Variants in DHDDS observed in about 807,000 individuals in gnomAD.
The protein encoded by DHDDS is dehydrodolichyl diphosphate synthase complex subunit DHDDS.
DHDDS carries 16 observed loss-of-function variants against 46.2 expected under a neutral mutation model. That is an observed-to-expected ratio of 0.35 (90% CI 0.23 to 0.53). The LOEUF (loss-of-function observed/expected upper bound fraction) is 0.53, where lower values mean the gene tolerates loss of function less well. Among genes scored for constraint, DHDDS ranks in the 20% least tolerant of loss-of-function variants. The probability of loss-of-function intolerance (pLI) is 0.94; values close to 1 mark genes in which losing one functional copy is unlikely to be tolerated. For synonymous variants in DHDDS, 151 were observed against 163.1 expected (o/e 0.93, Z 0.56); for missense variants, 340 against 423.7 (o/e 0.80, Z 1.73).
intron 8 of DHDDS, chr1:26,467,104 G>T (rs549554025): frequency 4.8e-4 from 132 of 274,276 alleles, no homozygotes; most frequent in African/African-American, 2.8e-3. Context: ...GTCTGTCCAT[G>T]AAGGTCACTG....
chr1:26,450,089 G>A (rs2075305407), intron 6 of DHDDS, among the ~76,000 whole-genome samples: 1 of 152,186 alleles, frequency 6.6e-6, no homozygotes, highest in Admixed American at 6.5e-5. Flanking sequence ...CAGTATGGAA[G>A]CCATCTGTGT....
At chr1:26,433,477 C>T (rs1455198035) in intron 2 of DHDDS, among the ~76,000 whole-genome samples, 1 of 151,702 alleles carries the variant, frequency 6.6e-6, no homozygotes, top group Non-Finnish European at 1.5e-5. Flanking sequence ...GGCAAAACCC[C>T]GATTCTCCAA....
At chr1:26,468,828 CTCCAT>C in intron 8 of DHDDS, 62 bp from the exon 9 acceptor site, 1 of 1,592,456 alleles carries the variant, frequency 6.3e-7, no homozygotes, top group East Asian at 2.3e-5. Flanking sequence ...CCCCTACCTC[CTCCAT>C]CCCAGTTTCA....
At chr1:26,462,479 C>A (rs985250605) in intron 8 of DHDDS, among the ~76,000 whole-genome samples, 2 of 152,182 alleles carry the variant, frequency 1.3e-5, no homozygotes, top group East Asian at 3.8e-4. Context: ...CTCCCTCTTT[C>A]ATTTCCTACT....
chr1:26,442,925 T>C (rs2075233165), intron 4 of DHDDS, 52 bp downstream of exon 4: 2 of 1,612,692 alleles, frequency 1.2e-6, no homozygotes, highest in African/African-American at 1.3e-5. Flanking sequence ...CCCAGCCTTA[T>C]CCTAACCCTT....
rs553585181 is a variant in DHDDS, at chr1:26,453,991, T to C, written c.543-3800T>C. 2.3e-3 allele frequency among the ~76,000 whole-genome samples: 352 copies of C among 152,170 alleles called. 1 individual carries two copies. The highest frequency in any genetic ancestry group is 3.5e-3 in the Non-Finnish European group (240 of 67,998). ...GTTTTTGAGATGGAGTCTTGCTCTG[T>C]CACCCAGGCTGGAGTGCAGTGGTGC... On this transcript the variant is annotated intron_variant, in intron 6 of 8. Transcript: ENST00000236342.
chr1:26,457,397 G>C (rs1380077045), intron 6 of DHDDS, among the ~76,000 whole-genome samples: 1 of 151,798 alleles, frequency 6.6e-6, no homozygotes, highest in Non-Finnish European at 1.5e-5. Flanking sequence ...ATGAACCTGG[G>C]AGGCAGAGTT....
intron 4 of DHDDS, 104 bp downstream of exon 4, chr1:26,442,977 C>A: frequency 6.4e-7 from 1 of 1,573,922 alleles, no homozygotes; most frequent in East Asian, 2.3e-5. Context: ...ACTTGCAACT[C>A]TTTTTAATGT....
In DHDDS at chr1:26,457,852, A is replaced by C; in HGVS notation, c.604A>C (p.Ile202Leu). The C allele has an allele frequency of 6.2e-7, 1 of 1,614,028 alleles. No homozygotes were observed. The highest frequency in any genetic ancestry group is 8.5e-7 in the Non-Finnish European group (1 of 1,180,004). The change falls in exon 7 of 9, where the codon ATC becomes CTC. Residue 202 changes from isoleucine to leucine, a missense_variant. Physicochemically the swap from Ile to Leu is conservative, Grantham distance 5. This residue lies in a region of DHDDS where 268 missense variants were observed against 300.3 expected (regional missense o/e 0.89). Coordinates refer to ENST00000236342, the MANE Select transcript of DHDDS (RefSeq NM_205861.3). ...LYTNRSPHPDILIRTSGEVRL... is the reference protein window; with the variant it reads ...LYTNRSPHPDLLIRTSGEVRL... ...TACCAACCGCTCTCCTCATCCTGACATCTTGATACGGACTTCTGGAGAAGT... is the reference window on the plus strand; with the variant it reads ...TACCAACCGCTCTCCTCATCCTGACCTCTTGATACGGACTTCTGGAGAAGT...
rs2124403465 is a variant in DHDDS at position 26,442,736 on chromosome 1, G to T, written c.186G>T (p.Leu62=). The T allele has an allele frequency of 1.9e-6, 3 of 1,614,014 alleles. No individual in the cohort carries two copies. Among genetic ancestry groups the T allele is most frequent in the Non-Finnish European group, 1.7e-6 (2 of 1,179,992 alleles). ...SQGFNKLAET[L]RWCLNLGILE... ...CTTGCCTTCTCCCCTCTCAGACTCT[G>T]CGGTGGTGTTTGAACCTGGGCATCC... Residue 62 remains leucine (L), a synonymous_variant, in exon 4 of 9, where the codon CTG becomes CTT. Transcript: ENST00000236342.
intron 3 of DHDDS, among the ~76,000 whole-genome samples, chr1:26,440,588 A>T (rs2075208538): frequency 6.6e-6 from 1 of 152,252 alleles, no homozygotes; most frequent in Non-Finnish European, 1.5e-5. Context: ...GAAACTTGTT[A>T]TTAGCAACTG....
At chr1:26,464,051 G>A (rs1040600263) in intron 8 of DHDDS, among the ~76,000 whole-genome samples, 13 of 139,668 alleles carry the variant, frequency 9.3e-5, no homozygotes, top group African/African-American at 3.0e-4. Context: ...GGAGAACAGT[G>A]GCATGATCTC....
intron 6 of DHDDS, chr1:26,455,165 G>T: frequency 1.3e-6 from 1 of 767,176 alleles, no homozygotes; most frequent in Non-Finnish European, 2.4e-6. Flanking sequence ...GAGGTTCTCC[G>T]GGTTAAGTGA....
Position 26,460,985 on chromosome 1 carries a change from TG to T in DHDDS, c.765+842del, listed in dbSNP as rs2075416885. ...CCCTCCTGGGTTTGAACGATTCTCC[TG>T]TCTCAGCCTCCCAACTAGCTGGGAT... On this transcript the variant is annotated intron_variant, in intron 8 of 8. Coordinates refer to ENST00000236342, the MANE Select transcript of DHDDS (RefSeq NM_205861.3). Among the ~76,000 whole-genome samples, 3 of 152,320 alleles carry T rather than the reference TG, an allele frequency of 2.0e-5. No homozygotes were observed. In the South Asian group the frequency reaches 6.2e-4, roughly 32 times the overall value.
intron 1 of DHDDS, 96 bp from the exon 2 acceptor site, chr1:26,432,795 C>T: frequency 1.3e-6 from 1 of 745,136 alleles, no homozygotes; most frequent in South Asian, 1.5e-5. Context: ...GATTCTAATG[C>T]TGGCTGCTCT....
rs549706665 is a variant in DHDDS at position 26,436,290 on chromosome 1, T to G, written c.64-1878T>G. 2.6e-5 allele frequency among the ~76,000 whole-genome samples: 4 copies of G among 152,226 alleles called. No homozygotes were observed. In the South Asian group the frequency reaches 8.3e-4, roughly 32 times the overall value. On this transcript the variant is annotated intron_variant, in intron 2 of 8. Transcript: ENST00000236342. The stretch of plus-strand genomic sequence containing the variant: ...GGTGTATTCCTGTAGTCCCAGCTAC[T>G]TGGGGAATTGAAGTGGGAGGACCTT...
chr1:26,471,038 G>C lies in DHDDS; in HGVS notation c.*1907G>C, dbSNP rs892363439. On this transcript the variant is annotated 3_prime_UTR_variant, in exon 9 of 9. Transcript: ENST00000236342. Reference sequence around the variant, plus strand: ...GGTACACAGGGTGGAGTAGGGAGAAGCTGCCCCAGGAGGCGATGTAGTGGT... The same window carrying C: ...GGTACACAGGGTGGAGTAGGGAGAACCTGCCCCAGGAGGCGATGTAGTGGT... 1 of 152,364 alleles carries C rather than the reference G, an allele frequency of 6.6e-6. No homozygotes were observed. Among genetic ancestry groups the C allele is most frequent in the Non-Finnish European group, 1.5e-5 (1 of 68,126 alleles). The allele number at this position is 152,364 out of a possible 1,614,324, so 9.4% of individuals were successfully genotyped here. A position where few individuals can be genotyped will look rare whatever the true frequency, so the allele number is the denominator to read the frequency against.
chr1:26,459,184 C>G (rs2075399800), intron 7 of DHDDS, among the ~76,000 whole-genome samples: 1 of 152,186 alleles, frequency 6.6e-6, no homozygotes, highest in Non-Finnish European at 1.5e-5. Flanking sequence ...CCTTGAAATA[C>G]TTGAAAGAAT....
intron 3 of DHDDS, chr1:26,438,524 G>T: frequency 2.2e-6 from 1 of 463,674 alleles, no homozygotes; most frequent in Non-Finnish European, 4.0e-6. Flanking sequence ...AGGGGTTCAG[G>T]ACTAGCCCGG....
Sources: allele counts gnomAD v4.1 joint callset (sites outside exome capture counted in the v4.1 genomes callset), GRCh38; gene constraint gnomAD v4.1.1; regional missense constraint gnomAD v4.1.1; transcripts MANE v1.5; gene names NCBI Gene and HGNC (gene_info 2026-07-23, HGNC 2026-07-21).